RAI14: variants seen among roughly 807,000 people sequenced by gnomAD.
The protein encoded by RAI14 is retinoic acid induced 14.
Under a neutral mutation model 115.4 loss-of-function variants are expected in RAI14, and 45 were observed. The ratio of observed to expected loss-of-function variants is 0.39; its 90% CI spans 0.31 to 0.50. RAI14 has a LOEUF of 0.50. Among genes scored for constraint, RAI14 ranks in the 20% least tolerant of loss-of-function variants. RAI14 has a pLI of 0.85. For synonymous variants in RAI14, 371 were observed against 415.4 expected (o/e 0.89, Z 1.30); for missense variants, 939 against 1,131.2 (o/e 0.83, Z 2.44).
intron 4 of RAI14, among the ~76,000 whole-genome samples, chr5:34,800,786 A>G (rs555173341): frequency 6.6e-6 from 1 of 152,322 alleles, no homozygotes; most frequent in Admixed American, 6.5e-5. Context: ...ACATCTCCCA[A>G]CCATCTTGTC....
At chr5:34,727,171 G>C (rs1057281055) in intron 2 of RAI14, among the ~76,000 whole-genome samples, 3 of 152,188 alleles carry the variant, frequency 2.0e-5, no homozygotes, top group Non-Finnish European at 4.4e-5. Context: ...TGAGGAGCTT[G>C]TTGGGAATTG....
At chr5:34,758,831 G>A (rs1455936464) in intron 3 of RAI14, among the ~76,000 whole-genome samples, 1 of 152,188 alleles carries the variant, frequency 6.6e-6, no homozygotes, top group Non-Finnish European at 1.5e-5. Context: ...AGACTACATG[G>A]CTCACAAAGC....
In RAI14 at chr5:34,769,903, T is replaced by A. The variant is rs574495303; in HGVS notation, c.167+12305T>A. On this transcript the variant is annotated intron_variant, in intron 3 of 17. Coordinates refer to ENST00000265109, the MANE Select transcript of RAI14 (RefSeq NM_015577.3). Reference sequence around the variant, plus strand: ...CACAATACTTAGCTAATTTTTGTATTTTTTAGTAGAGATGTGGGTTTCACC... The same window carrying A: ...CACAATACTTAGCTAATTTTTGTATATTTTAGTAGAGATGTGGGTTTCACC... Among the ~76,000 whole-genome samples, 198 of 152,246 alleles carry A rather than the reference T, an allele frequency of 1.3e-3. 1 individual carries two copies. The highest frequency in any genetic ancestry group is 3.5e-3 in the African/African-American group (146 of 41,544).
intron 3 of RAI14, 24 bp from the exon 4 acceptor site, chr5:34,795,915 G>C: frequency 6.3e-7 from 1 of 1,586,468 alleles, no homozygotes; most frequent in Non-Finnish European, 8.7e-7. Flanking sequence ...ATCTCAAGGA[G>C]ATTGTGTTTA....
Position 34,808,554 on chromosome 5 carries a change from GCTGTGGTATTTATATTTTC to G in RAI14, c.380-27_380-9del. ...CTGGTTGTGAATAACTGTGTGATTG[GCTGTGGTATTTATATTTTC>G]CTTCCCCCAGCGGCTCAGGGCTGCC... is the stretch of plus-strand genomic sequence containing the variant. On this transcript the variant is annotated splice_polypyrimidine_tract_variant and intron_variant, in intron 6 of 17. Coordinates refer to ENST00000265109, the MANE Select transcript of RAI14 (RefSeq NM_015577.3). 8 of 1,602,978 alleles carry G rather than the reference GCTGTGGTATTTATATTTTC, an allele frequency of 5.0e-6. No individual in the cohort carries two copies. The highest frequency in any genetic ancestry group is 5.1e-6 in the Non-Finnish European group (6 of 1,170,192).
In RAI14 at chr5:34,831,195, A is replaced by G. The variant is rs1475321057; in HGVS notation, c.*430A>G. On this transcript the variant is annotated 3_prime_UTR_variant, in exon 18 of 18. Transcript: ENST00000265109. ...GAGCTCTTTTTGCCTTTGGCTTTCA[A>G]TTCCAAAACATGATTTAATTTCTAA... 6.4e-6 allele frequency: 1 copy of G among 157,460 alleles called. No homozygotes were observed. Among genetic ancestry groups the G allele is most frequent in the Non-Finnish European group, 1.4e-5 (1 of 71,086 alleles). The allele number at this position is 157,460 out of a possible 1,614,324, so 9.8% of individuals were successfully genotyped here.
At chr5:34,732,427 T>C (rs1406196122) in intron 2 of RAI14, among the ~76,000 whole-genome samples, 2 of 145,996 alleles carry the variant, frequency 1.4e-5, no homozygotes, top group African/African-American at 5.2e-5. Flanking sequence ...TGCAAAATAT[T>C]TACCATGCTT....
At chr5:34,708,480 G>A (rs1741003660) in intron 2 of RAI14, among the ~76,000 whole-genome samples, 1 of 152,174 alleles carries the variant, frequency 6.6e-6, no homozygotes, top group Non-Finnish European at 1.5e-5. Flanking sequence ...GGGATTACAG[G>A]CGTGAGCCAC....
At chr5:34,787,005 A>C (rs11948137) in intron 3 of RAI14, among the ~76,000 whole-genome samples, 1 of 152,234 alleles carries the variant, frequency 6.6e-6, no homozygotes, top group Non-Finnish European at 1.5e-5. Flanking sequence ...CATCAGGAAC[A>C]TGTCCTTAAG....
chr5:34,690,058 G>T (rs569790403), intron 2 of RAI14, among the ~76,000 whole-genome samples: 5 of 152,266 alleles, frequency 3.3e-5, no homozygotes, highest in African/African-American at 1.2e-4. Flanking sequence ...TGCTGCTGCC[G>T]AACAGGGAAA....
chr5:34,775,852 C>T (rs950524064), intron 3 of RAI14, among the ~76,000 whole-genome samples: 31 of 152,224 alleles, frequency 2.0e-4, no homozygotes, highest in South Asian at 1.2e-3. Flanking sequence ...TTATGGAGAA[C>T]GGTTTGGAGG....
intron 13 of RAI14, among the ~76,000 whole-genome samples, chr5:34,819,175 C>T (rs3844310): frequency 0.27 from 41,440 of 152,082 alleles, 6,411 homozygotes; most frequent in Admixed American, 0.42. Flanking sequence ...ATTTTGTCAC[C>T]AAGAGAATTC....
chr5:34,711,872 G>C (rs1741442198), intron 2 of RAI14, among the ~76,000 whole-genome samples: 1 of 152,178 alleles, frequency 6.6e-6, no homozygotes, highest in Non-Finnish European at 1.5e-5. Context: ...AAGCATCCTT[G>C]TATGCTGCTG....
chr5:34,753,912 CAAA>C (rs34458773), intron 2 of RAI14, among the ~76,000 whole-genome samples: 4 of 117,230 alleles, frequency 3.4e-5, no homozygotes, highest in Non-Finnish European at 1.7e-5. Context: ...GACTCTATCT[CAAA>C]AAAAAAAAAA....
chr5:34,712,167 AG>A (rs1165556492), intron 2 of RAI14, among the ~76,000 whole-genome samples: 8 of 152,348 alleles, frequency 5.3e-5, no homozygotes, highest in African/African-American at 1.9e-4. Flanking sequence ...TATATACAGT[AG>A]AACCTAATCT....
At chr5:34,789,373 A>G (rs150537954) in intron 3 of RAI14, among the ~76,000 whole-genome samples, 301 of 152,336 alleles carry the variant, frequency 2.0e-3, no homozygotes, top group African/African-American at 6.6e-3. Flanking sequence ...AAAGTTGGCT[A>G]TGCTTCTGGT....
chr5:34,790,729 G>T (rs1161482998), intron 3 of RAI14, among the ~76,000 whole-genome samples: 3 of 148,430 alleles, frequency 2.0e-5, no homozygotes, highest in Non-Finnish European at 4.5e-5. Context: ...TATATAAGAT[G>T]TATAGTGTGT....
chr5:34,714,024 G>A (rs1238963940), intron 2 of RAI14, among the ~76,000 whole-genome samples: 1 of 151,154 alleles, frequency 6.6e-6, no homozygotes. Flanking sequence ...GGCTGGTCTC[G>A]AACTCCTGAC....
At chr5:34,724,459 A>C (rs954496725) in intron 2 of RAI14, among the ~76,000 whole-genome samples, 1 of 152,178 alleles carries the variant, frequency 6.6e-6, no homozygotes, top group African/African-American at 2.4e-5. Context: ...ATTGTAACCC[A>C]CAAATCATAT....
Sources: allele counts gnomAD v4.1 joint callset (sites outside exome capture counted in the v4.1 genomes callset), GRCh38; gene constraint gnomAD v4.1.1; transcripts MANE v1.5; gene names NCBI Gene and HGNC (gene_info 2026-07-23, HGNC 2026-07-21).